The following PAH variants were observed in gnomAD, a reference collection of about 807,000 sequenced individuals.
PAH encodes the protein phenylalanine hydroxylase.
Under a neutral mutation model 62.0 loss-of-function variants are expected in PAH, and 64 were observed. The ratio of observed to expected loss-of-function variants is 1.03; its 90% CI spans 0.84 to 1.27. PAH has a LOEUF of 1.27. Ranked by LOEUF, PAH falls within the 50% of genes most tolerant of loss-of-function variation. The pLI is 0.00. For synonymous variants in PAH, 195 were observed against 196.2 expected, an observed-to-expected ratio of 0.99 and a Z score of 0.05; for missense variants, 579 against 542.8, an observed-to-expected ratio of 1.07 and a Z score of -0.66.
intron 6 of PAH, among the ~76,000 whole-genome samples, chr12:102,854,238 C>T (rs1011752646): frequency 7.9e-5 from 12 of 152,170 alleles, no homozygotes; most frequent in Non-Finnish European, 1.6e-4. Flanking sequence ...ACTTCCCTTC[C>T]TGCCAAGTAA....
intron 4 of PAH, 33 bp downstream of exon 4, chr12:102,877,429 G>C: frequency 3.3e-6 from 5 of 1,515,224 alleles, no homozygotes; most frequent in Non-Finnish European, 4.6e-6. Flanking sequence ...GAGAGGCACT[G>C]AAAAAATCTC....
At chr12:102,926,398 A>G (rs1878684168) in intron 1 of PAH, among the ~76,000 whole-genome samples, 1 of 151,944 alleles carries the variant, frequency 6.6e-6, no homozygotes, top group African/African-American at 2.4e-5. Context: ...TGAGGAGCAT[A>G]CATAAGCCAG....
At chr12:102,942,721 T>A (rs1435399314) in intron 1 of PAH, among the ~76,000 whole-genome samples, 1 of 152,084 alleles carries the variant, frequency 6.6e-6, no homozygotes, top group Non-Finnish European at 1.5e-5. Context: ...AACAGACACA[T>A]AGACCAATGG....
intron 3 of PAH, 83 bp from the exon 4 acceptor site, chr12:102,877,633 C>T: frequency 2.0e-6 from 2 of 1,013,954 alleles, no homozygotes; most frequent in Non-Finnish European, 3.1e-6. Flanking sequence ...AGTGGGGATC[C>T]CAGCCAATGG....
In PAH at chr12:102,938,265, TTTGCAA is replaced by T. The variant is rs1223405705; in HGVS notation, c.-96+12318_-96+12323del. 4.6e-5 allele frequency among the ~76,000 whole-genome samples: 7 copies of T among 151,900 alleles called. No individual in the cohort carries two copies. The East Asian group carries it at 1.4e-3, about 29-fold the overall frequency. ...AGTGACCACACTATTCCCATAGATC[TTTGCAA>T]TTCTGGGCACAGGATTTTCCCTGTG... On this transcript the variant is annotated intron_variant, in intron 1 of 3. Coordinates refer to the PAH transcript ENST00000546844.
intron 8 of PAH, chr12:102,847,275 AT>A (rs1384181291): frequency 5.1e-6 from 2 of 390,088 alleles, no homozygotes; most frequent in African/African-American, 4.1e-5. Context: ...CAGCTCAGTG[AT>A]TATTCATCAG....
In PAH at chr12:102,838,765, T is replaced by G. The variant is rs1295419945; in HGVS notation, c.*410A>C. 1 of 174,232 alleles carries G rather than the reference T, an allele frequency of 5.7e-6. No individual in the cohort carries two copies. The highest frequency in any genetic ancestry group is 2.4e-5 in the African/African-American group (1 of 41,938). 10.8% of individuals were successfully genotyped at this position (174,232 alleles called of 1,614,324 possible). ...AAACTTCATAGGTTACGATTTATAT[T>G]AAGCCCAATAATTCAATTCTAATGA... On this transcript the variant is annotated 3_prime_UTR_variant, in exon 13 of 13. Coordinates refer to ENST00000553106, the MANE Select transcript of PAH (RefSeq NM_000277.3).
At chr12:102,916,481 G>C (rs965091021) in intron 1 of PAH, 1 of 158,528 alleles carries the variant, frequency 6.3e-6, no homozygotes, top group Non-Finnish European at 1.4e-5. Flanking sequence ...TCCAAGTCAC[G>C]TTTAGGGTTC....
chr12:102,948,181 A>C (rs1005827502), intron 1 of PAH, among the ~76,000 whole-genome samples: 1 of 152,170 alleles, frequency 6.6e-6, no homozygotes, highest in Non-Finnish European at 1.5e-5. Flanking sequence ...TAGGATGGGA[A>C]GGTACGCATT....
chr12:102,876,252 G>A (rs1004168415), intron 4 of PAH, among the ~76,000 whole-genome samples: 2 of 152,146 alleles, frequency 1.3e-5, no homozygotes, highest in Non-Finnish European at 2.9e-5. Flanking sequence ...ATTAGAAGAA[G>A]CATCAATCAT....
At chr12:102,917,266 G>A (rs565404802), upstream of PAH, 1 of 768,912 alleles carries the variant, frequency 1.3e-6, no homozygotes, top group East Asian at 2.7e-5. Context: ...TCTCTTGCGT[G>A]GTGCATCTCC....
At chr12:102,866,945 C>G (rs1312908258) in intron 4 of PAH, among the ~76,000 whole-genome samples, 1 of 152,224 alleles carries the variant, frequency 6.6e-6, no homozygotes, top group Non-Finnish European at 1.5e-5. Flanking sequence ...ATCTGACTGA[C>G]ACACTTGCTA....
intron 5 of PAH, among the ~76,000 whole-genome samples, chr12:102,857,161 A>C (rs887361736): frequency 2.0e-5 from 3 of 152,258 alleles, no homozygotes; most frequent in Non-Finnish European, 2.9e-5. Context: ...AAACCATGGC[A>C]CGAGAACTAC....
intron 5 of PAH, among the ~76,000 whole-genome samples, chr12:102,861,424 A>C (rs929287480): frequency 2.6e-5 from 4 of 152,186 alleles, no homozygotes; most frequent in African/African-American, 9.7e-5. Context: ...ACAGTGTGGC[A>C]ATTCCTCAAG....
chr12:102,867,569 T>C (rs1408274140), intron 4 of PAH, among the ~76,000 whole-genome samples: 1 of 152,190 alleles, frequency 6.6e-6, no homozygotes, highest in Non-Finnish European at 1.5e-5. Flanking sequence ...CGTAGAACTC[T>C]GCTGTGGTTC....
chr12:102,845,232 T>C (rs985903460), intron 9 of PAH, among the ~76,000 whole-genome samples: 1 of 152,166 alleles, frequency 6.6e-6, no homozygotes, highest in Non-Finnish European at 1.5e-5. Flanking sequence ...TAAAGCATGA[T>C]GGAAAATATC....
At chr12:102,915,777 T>C (rs906729163) in intron 1 of PAH, among the ~76,000 whole-genome samples, 5 of 152,188 alleles carry the variant, frequency 3.3e-5, no homozygotes, top group African/African-American at 1.2e-4. Context: ...CAGGTGATTC[T>C]TAACCATAGA....
exon 1 of PAH, chr12:102,958,297 C>T: frequency 6.8e-7 from 1 of 1,480,088 alleles, no homozygotes. Flanking sequence ...CAGCCCCAGC[C>T]GCAGCCCCAG....
chr12:102,846,990 A>C (rs1239260463), intron 8 of PAH, 39 bp from the exon 9 acceptor site: 1 of 1,571,990 alleles, frequency 6.4e-7, no homozygotes, highest in Admixed American at 1.7e-5. Flanking sequence ...CTGTTCCTGT[A>C]ATTGGAACCA....
Sources: allele counts gnomAD v4.1 joint callset (sites outside exome capture counted in the v4.1 genomes callset), GRCh38; gene constraint gnomAD v4.1.1; transcripts MANE v1.5; gene names NCBI Gene and HGNC (gene_info 2026-07-23, HGNC 2026-07-21).